LRBA: variants seen among roughly 807,000 people sequenced by gnomAD.
LRBA encodes LPS responsive beige-like anchor protein.
In LRBA, 176 loss-of-function variants were observed where a neutral mutation model predicts 330.0. That is an observed-to-expected ratio of 0.53 (90% CI 0.47 to 0.60). The LOEUF is 0.60. Among genes scored for constraint, LRBA ranks in the 20% least tolerant of loss-of-function variants. The pLI, the probability that LRBA is intolerant of heterozygous loss-of-function variation, is 0.00. For synonymous variants in LRBA, 1,230 were observed against 1,193.0 expected, an observed-to-expected ratio of 1.03 and a Z score of -0.64; for missense variants, 3,259 against 3,444.8, an observed-to-expected ratio of 0.95 and a Z score of 1.35.
chr4:150,423,587 C>T (rs955828377), intron 46 of LRBA: 5 of 346,024 alleles, frequency 1.4e-5, no homozygotes, highest in African/African-American at 2.2e-5. Flanking sequence ...CACCTGCTTG[C>T]CCACAAAAGG....
chr4:150,885,807 G>A (rs1460724569), intron 17 of LRBA, among the ~76,000 whole-genome samples: 1 of 152,152 alleles, frequency 6.6e-6, no homozygotes, highest in Non-Finnish European at 1.5e-5. Context: ...TGACAGTCAA[G>A]TGCTAACAGA....
chr4:150,478,645 A>C (rs903013856), intron 42 of LRBA, among the ~76,000 whole-genome samples: 1 of 152,198 alleles, frequency 6.6e-6, no homozygotes, highest in South Asian at 2.1e-4. Flanking sequence ...TTCCAGTGAT[A>C]CTTGCTTTCC....
intron 28 of LRBA, chr4:150,840,883 CTAAT>C: frequency 2.0e-6 from 2 of 999,356 alleles, no homozygotes; most frequent in Non-Finnish European, 2.5e-6. Flanking sequence ...AAAAATGAGA[CTAAT>C]TGTTAATACT....
intron 42 of LRBA, among the ~76,000 whole-genome samples, chr4:150,485,293 T>C (rs1757740835): frequency 6.6e-6 from 1 of 151,954 alleles, no homozygotes; most frequent in Non-Finnish European, 1.5e-5. Flanking sequence ...TTTAGATGTA[T>C]GTAAATTTAA....
chr4:150,610,589 CA>C (rs1775151631), intron 37 of LRBA, among the ~76,000 whole-genome samples: 1 of 151,568 alleles, frequency 6.6e-6, no homozygotes, highest in East Asian at 1.9e-4. Flanking sequence ...ACTCCCATCA[CA>C]AAAAAACAAA....
At position 150,437,316 on chromosome 4, in the gene LRBA, T is replaced by C. The variant is rs375617113; in HGVS notation, c.6781-452A>G. The stretch of plus-strand genomic sequence containing the variant: ...AAACAAAACTGGGAGATAGGTGAGA[T>C]GGAGCACAAAGGAAGAAAGAAATTG... On this transcript the variant is annotated intron_variant, in intron 44 of 56. Coordinates refer to ENST00000651943, the MANE Select transcript of LRBA (RefSeq NM_001364905.1). Among the ~76,000 whole-genome samples the C allele has an allele frequency of 4.0e-5, 6 of 151,838 alleles. No individual in the cohort carries two copies. In the East Asian group the frequency reaches 1.2e-3, roughly 29 times the overall value.
intron 37 of LRBA, among the ~76,000 whole-genome samples, chr4:150,625,051 T>C (rs183395538): frequency 1.3e-5 from 2 of 152,242 alleles, no homozygotes; most frequent in Admixed American, 6.5e-5. Context: ...AAGACACAAA[T>C]TGAAAAATGT....
intron 40 of LRBA, among the ~76,000 whole-genome samples, chr4:150,573,705 AT>A (rs1770170955): frequency 6.6e-6 from 1 of 152,202 alleles, no homozygotes; most frequent in South Asian, 2.1e-4. Flanking sequence ...CTGATATAGC[AT>A]CTTTTACAGT....
intron 56 of LRBA, among the ~76,000 whole-genome samples, chr4:150,273,757 G>T (rs543697245): frequency 6.6e-6 from 1 of 151,786 alleles, no homozygotes; most frequent in Non-Finnish European, 1.5e-5. Flanking sequence ...GCAACAACAA[G>T]ACCTATCCTA....
intron 31 of LRBA, among the ~76,000 whole-genome samples, chr4:150,814,013 G>C (rs1276241705): frequency 6.6e-6 from 1 of 151,930 alleles, no homozygotes; most frequent in African/African-American, 2.4e-5. Context: ...ATTTAACAGA[G>C]CCTATTTTAT....
At chr4:150,480,769 T>C (rs1054919067) in intron 42 of LRBA, among the ~76,000 whole-genome samples, 1 of 152,168 alleles carries the variant, frequency 6.6e-6, no homozygotes, top group Admixed American at 6.5e-5. Flanking sequence ...GTGATATACA[T>C]AAGACATAGT....
chr4:150,715,937 T>C (rs1560720369), intron 36 of LRBA, among the ~76,000 whole-genome samples: 1 of 152,198 alleles, frequency 6.6e-6, no homozygotes, highest in Non-Finnish European at 1.5e-5. Flanking sequence ...CACAACTACA[T>C]TGCTCTGAAG....
chr4:150,436,741 C>A lies in LRBA; in HGVS notation c.6904G>T (p.Ala2302Ser), dbSNP rs767103631. Residue 2302 changes from alanine (A) to serine (S), a missense_variant, in exon 45 of 57, where the codon GCA becomes TCA. By Grantham distance (99) the Ala-to-Ser change is moderately conservative. Coordinates refer to ENST00000651943, the MANE Select transcript of LRBA (RefSeq NM_001364905.1). ...THYSTASFVLAWLLRIEPFTT... is the reference protein window; with the variant it reads ...THYSTASFVLSWLLRIEPFTT... ...GAACTTACTATTCTTAGCAGCCATG[C>A]AAGAACAAAACTTGCAGTTGAGTAA... is the stretch of plus-strand genomic sequence containing the variant. 2 of 1,612,546 alleles carry A rather than the reference C, an allele frequency of 1.2e-6. No homozygotes were observed. Among genetic ancestry groups the A allele is most frequent in the South Asian group, 1.1e-5 (1 of 90,842 alleles).
intron 40 of LRBA, among the ~76,000 whole-genome samples, chr4:150,550,460 T>C: frequency 6.6e-6 from 1 of 152,284 alleles, no homozygotes; most frequent in East Asian, 1.9e-4. Flanking sequence ...AGAATACAAA[T>C]GAGTATTTAC....
chr4:150,837,615 C>T (rs1050269048), intron 28 of LRBA, among the ~76,000 whole-genome samples: 1 of 151,978 alleles, frequency 6.6e-6, no homozygotes, highest in Non-Finnish European at 1.5e-5. Context: ...GATTGCAACC[C>T]CTGCCTTTTT....
intron 36 of LRBA, among the ~76,000 whole-genome samples, chr4:150,693,966 A>C (rs1002582891): frequency 2.6e-5 from 4 of 152,226 alleles, no homozygotes; most frequent in African/African-American, 9.7e-5. Flanking sequence ...TTTAATGCTA[A>C]TTAAACAATT....
intron 36 of LRBA, among the ~76,000 whole-genome samples, chr4:150,690,812 A>G (rs966379295): frequency 6.6e-6 from 1 of 152,138 alleles, no homozygotes; most frequent in Non-Finnish European, 1.5e-5. Flanking sequence ...TTTTTTTTAT[A>G]ACTTTGGGAT....
intron 37 of LRBA, among the ~76,000 whole-genome samples, chr4:150,651,912 G>A (rs556846732): frequency 6.6e-6 from 1 of 152,228 alleles, no homozygotes; most frequent in African/African-American, 2.4e-5. Context: ...GCCCAAGCTA[G>A]AGTGCACTGG....
At chr4:150,279,712 C>CAGTT (rs1330746107) in intron 55 of LRBA, among the ~76,000 whole-genome samples, 7 of 152,300 alleles carry the variant, frequency 4.6e-5, no homozygotes, top group South Asian at 2.1e-4. Context: ...GTGTGGAAGA[C>CAGTT]AGTTAGTTAC....
Sources: allele counts gnomAD v4.1 joint callset (sites outside exome capture counted in the v4.1 genomes callset), GRCh38; gene constraint gnomAD v4.1.1; transcripts MANE v1.5; gene names NCBI Gene and HGNC (gene_info 2026-07-23, HGNC 2026-07-21).